The following GPHN variants were observed in gnomAD, a reference collection of about 807,000 sequenced individuals.
GPHN encodes gephyrin.
A neutral mutation model predicts 95.5 loss-of-function variants in GPHN; 17 were observed. The ratio of observed to expected loss-of-function variants is 0.18; its 90% CI spans 0.12 to 0.27. The LOEUF (loss-of-function observed/expected upper bound fraction) is 0.27, where lower values mean the gene tolerates loss of function less well. GPHN is among the 10% of genes least tolerant of loss of function. The pLI is 1.00. For missense variants in GPHN, 660 were observed against 978.1 expected (o/e 0.67, Z 4.34); for synonymous variants, 320 against 322.5 (o/e 0.99, Z 0.08).
At chr14:66,555,509 G>A (rs10140083) in intron 1 of GPHN, among the ~76,000 whole-genome samples, 1 of 151,888 alleles carries the variant, frequency 6.6e-6, no homozygotes, top group Non-Finnish European at 1.5e-5. Context: ...CGCAACCCAC[G>A]CTGCCTTTTG....
At chr14:66,827,039 T>A (rs1172640605) in intron 4 of GPHN, among the ~76,000 whole-genome samples, 1 of 152,038 alleles carries the variant, frequency 6.6e-6, no homozygotes, top group Non-Finnish European at 1.5e-5. Context: ...ATCCCAGCAC[T>A]TTGAGAGGCC....
intron 1 of GPHN, among the ~76,000 whole-genome samples, chr14:66,649,388 G>T (rs950939663): frequency 6.6e-6 from 1 of 151,752 alleles, no homozygotes; most frequent in African/African-American, 2.4e-5. Flanking sequence ...CCATGGACCA[G>T]TAGCAGTCCG....
intron 2 of GPHN, among the ~76,000 whole-genome samples, chr14:66,681,757 C>G (rs1489982327): frequency 1.3e-5 from 2 of 152,000 alleles, no homozygotes; most frequent in Non-Finnish European, 2.9e-5. Flanking sequence ...ATGTCACTTT[C>G]TATTTCATAA....
chr14:67,578,162 C>T, the GPHN span: 1 of 1,613,904 alleles, frequency 6.2e-7, no homozygotes, highest in Non-Finnish European at 8.5e-7. The surrounding 1 kb of genome is among the most constrained non-coding windows in gnomAD (Gnocchi z 5.0). Flanking sequence ...ATGAAGCAGA[C>T]CAGCTGCCGC....
intron 2 of GPHN, among the ~76,000 whole-genome samples, chr14:66,687,485 G>GTTTTTT (rs1468240848): frequency 7.0e-6 from 1 of 143,750 alleles, no homozygotes; most frequent in Non-Finnish European, 1.5e-5. Flanking sequence ...TATTTTATTT[G>GTTTTTT]GTTTTTTTTT....
the GPHN span, among the ~76,000 whole-genome samples, chr14:67,386,768 C>T: frequency 1.3e-5 from 2 of 152,186 alleles, no homozygotes; most frequent in Admixed American, 1.3e-4. Context: ...TCCATGACTT[C>T]TGTAATGTAT....
intron 21 of GPHN, among the ~76,000 whole-genome samples, chr14:67,175,117 A>G (rs2082855733): frequency 2.0e-5 from 3 of 152,046 alleles, no homozygotes; most frequent in Admixed American, 2.0e-4. Context: ...TTTTGTTGCC[A>G]TTGCTTTTGG....
the GPHN span, among the ~76,000 whole-genome samples, chr14:67,327,100 G>A: frequency 5.3e-5 from 8 of 152,130 alleles, no homozygotes; most frequent in Admixed American, 2.6e-4. Flanking sequence ...ACTTGAACCC[G>A]GGAGGTGGAG....
At chr14:67,508,232 T>A in the GPHN span, among the ~76,000 whole-genome samples, 1 of 152,080 alleles carries the variant, frequency 6.6e-6, no homozygotes, top group Admixed American at 6.5e-5. Flanking sequence ...CAGTTTGACT[T>A]CTTTCTCCTT....
At chr14:67,367,703 G>T in the GPHN span, among the ~76,000 whole-genome samples, 1 of 147,808 alleles carries the variant, frequency 6.8e-6, no homozygotes, top group Non-Finnish European at 1.5e-5. Flanking sequence ...TGGGCGTGGT[G>T]GTGCACCCTG....
chr14:67,437,225 A>G, the GPHN span, among the ~76,000 whole-genome samples: 1 of 152,232 alleles, frequency 6.6e-6, no homozygotes, highest in Admixed American at 6.5e-5. Context: ...ACAGACAGAC[A>G]TGATCCTGCC....
the GPHN span, chr14:67,270,943 A>G: frequency 6.6e-6 from 1 of 152,226 alleles, no homozygotes; most frequent in Non-Finnish European, 1.5e-5. Context: ...GTAGTTCATC[A>G]GTCATTTGGG....
At chr14:66,760,520 C>T (rs529648825) in intron 2 of GPHN, 13 of 248,432 alleles carry the variant, frequency 5.2e-5, no homozygotes, top group African/African-American at 1.9e-4. Context: ...TGGGGGCCCA[C>T]GCGGGTTCAA....
In GPHN at chr14:66,797,453, C is replaced by A. The variant is rs142776544; in HGVS notation, c.201+20932C>A. On this transcript the variant is annotated intron_variant, in intron 3 of 22. Transcript: ENST00000478722. ...GAACATTTTAACAATAGTTACTCTT[C>A]TAATCCATGAACATGGAATATGTTT... 3.4e-3 allele frequency among the ~76,000 whole-genome samples: 521 copies of A among 151,948 alleles called. 2 individuals are homozygous for A. Among genetic ancestry groups the A allele is most frequent in the African/African-American group, 0.012 (499 of 41,524 alleles).
chr14:66,861,315 GAACCC>G (rs1475187941), intron 4 of GPHN, among the ~76,000 whole-genome samples: 1 of 151,864 alleles, frequency 6.6e-6, no homozygotes, highest in Non-Finnish European at 1.5e-5. Context: ...ATTCAGCAAT[GAACCC>G]AATGCTGGAG....
intron 9 of GPHN, chr14:66,969,097 G>T (rs1479423569): frequency 1.3e-5 from 2 of 151,854 alleles, no homozygotes; most frequent in Non-Finnish European, 2.9e-5. Flanking sequence ...ATTCTTCATA[G>T]ATTATATTTT....
At chr14:66,932,478 T>TTTTTTTTC (rs1464259951) in intron 8 of GPHN, among the ~76,000 whole-genome samples, 1 of 140,468 alleles carries the variant, frequency 7.1e-6, no homozygotes, top group Non-Finnish European at 1.5e-5. Context: ...TTTTTTTTTT[T>TTTTTTTTC]TTCAGTGCAG....
chr14:67,024,105 A>G (rs971318081), intron 10 of GPHN, among the ~76,000 whole-genome samples: 1 of 152,200 alleles, frequency 6.6e-6, no homozygotes, highest in African/African-American at 2.4e-5. Context: ...CTGACATATA[A>G]TAACTTCACA....
At chr14:67,489,667 T>G in the GPHN span, among the ~76,000 whole-genome samples, 1 of 152,152 alleles carries the variant, frequency 6.6e-6, no homozygotes, top group African/African-American at 2.4e-5. Context: ...TGACCATCCT[T>G]CAACTGAAAC....
Sources: allele counts gnomAD v4.1 joint callset (sites outside exome capture counted in the v4.1 genomes callset), GRCh38; gene constraint gnomAD v4.1.1; non-coding constraint Gnocchi (gnomAD v3.1); transcripts MANE v1.5; gene names NCBI Gene and HGNC (gene_info 2026-07-23, HGNC 2026-07-21).